Variants in SVEP1 observed in about 807,000 individuals in gnomAD.
SVEP1 encodes sushi, von Willebrand factor type A, EGF and pentraxin domain-containing protein 1.
SVEP1 carries 164 observed loss-of-function variants against 367.3 expected under a neutral mutation model. The ratio of observed to expected loss-of-function variants is 0.45; its 90% confidence interval spans 0.39 to 0.51. The LOEUF is 0.51. Among genes scored for constraint, SVEP1 ranks in the 20% least tolerant of loss-of-function variants. The pLI, the probability that SVEP1 is intolerant of heterozygous loss-of-function variation, is 0.00. For missense variants in SVEP1, 4,117 were observed against 4,425.3 expected (o/e 0.93, Z 1.98); for synonymous variants, 1,666 against 1,611.6 (o/e 1.03, Z -0.81).
chr9:110,547,739 AC>A (rs1830238016), intron 2 of SVEP1, among the ~76,000 whole-genome samples: 1 of 152,178 alleles, frequency 6.6e-6, no homozygotes, highest in African/African-American at 2.4e-5. Flanking sequence ...CAGCAGTGAA[AC>A]CCAAAGTGGA....
Position 110,431,940 on chromosome 9 carries a change from G to A in SVEP1, c.5328C>T (p.Tyr1776=), listed in dbSNP as rs750593196. 1.7e-5 allele frequency: 28 copies of A among 1,613,634 alleles called. No homozygotes were observed. The highest frequency in any genetic ancestry group is 2.3e-5 in the Non-Finnish European group (27 of 1,179,678). Reference sequence around the variant, plus strand: ...CTGCACAGTTTTTCCCATCTCCTGTGTACGGTGGGACACATGAACATATGT... The same window carrying A: ...CTGCACAGTTTTTCCCATCTCCTGTATACGGTGGGACACATGAACATATGT... ...GSYICSCVPP[Y]TGDGKNCAEP... The change falls in exon 32 of 48, where the codon TAC becomes TAT. Residue 1776 remains tyrosine (Y), a synonymous_variant. Transcript: ENST00000374469.
In SVEP1 at chr9:110,375,373, T is replaced by A. The variant is rs201857903; in HGVS notation, c.10595A>T (p.His3532Leu). The A allele has an allele frequency of 6.5e-7, 1 of 1,542,148 alleles. No individual in the cohort carries two copies. The highest frequency in any genetic ancestry group is 1.4e-5 in the African/African-American group (1 of 70,670). ...CPPGWTGSRCHTAVCQSPCLN... is the reference protein window; with the variant it reads ...CPPGWTGSRCLTAVCQSPCLN... Reference sequence around the variant, plus strand: ...AAACCATGAAAGAGGCCTACCTGTATGACAGCGAGACCCCGTCCAGCCAGG... The same window carrying A: ...AAACCATGAAAGAGGCCTACCTGTAAGACAGCGAGACCCCGTCCAGCCAGG... Residue 3532 changes from histidine (H) to leucine (L), a missense_variant, in exon 46 of 48, where the codon CAT becomes CTT. Coordinates refer to ENST00000374469, the MANE Select transcript of SVEP1 (RefSeq NM_153366.4).
chr9:110,578,434 A>T (rs2118897624), intron 1 of SVEP1, among the ~76,000 whole-genome samples: 1 of 151,876 alleles, frequency 6.6e-6, no homozygotes, highest in East Asian at 1.9e-4. Flanking sequence ...ATTATGTGTT[A>T]GATATTTCTA....
chr9:110,414,994 G>C lies in SVEP1; in HGVS notation c.5976-3259C>G, dbSNP rs569777897. On this transcript the variant is annotated intron_variant, in intron 36 of 47. Coordinates refer to ENST00000374469, the MANE Select transcript of SVEP1 (RefSeq NM_153366.4). The stretch of plus-strand genomic sequence containing the variant: ...TCTTCCCTCTGCGTTTCTCACCAAG[G>C]AGTATAAACATGAGCATGAAAAGGA... Among the ~76,000 whole-genome samples, 4 of 152,052 alleles carry C rather than the reference G, an allele frequency of 2.6e-5. No homozygotes were observed. In the South Asian group the frequency reaches 8.3e-4, roughly 32 times the overall value.
rs1256037817 is a variant in SVEP1 at position 110,550,107 on chromosome 9, G to T, written c.532-3C>A. Reference sequence around the variant, plus strand: ...TCTCTAGCATGAAGAAGAATTTGCTGTAATGAAATGGGGAAAGTTAATATG... The same window carrying T: ...TCTCTAGCATGAAGAAGAATTTGCTTTAATGAAATGGGGAAAGTTAATATG... On this transcript the variant is annotated splice_region_variant and splice_polypyrimidine_tract_variant and intron_variant, in intron 1 of 47. Transcript: ENST00000374469. The T allele has an allele frequency of 6.2e-7, 1 of 1,613,500 alleles. No homozygotes were observed. Among genetic ancestry groups the T allele is most frequent in the Non-Finnish European group, 8.5e-7 (1 of 1,179,532 alleles).
chr9:110,512,755 T>C (rs1323859699), intron 5 of SVEP1, 171 bp downstream of exon 5: 2 of 777,788 alleles, frequency 2.6e-6, no homozygotes, highest in East Asian at 2.7e-5. Context: ...AATTATGTGG[T>C]CAATTGAACT....
chr9:110,570,970 CTTTTTTTTTTTT>C (rs374900472), intron 1 of SVEP1, among the ~76,000 whole-genome samples: 190 of 114,916 alleles, frequency 1.7e-3, no homozygotes, highest in Middle Eastern at 5.1e-3. Flanking sequence ...CAGATGGCTC[CTTTTTTTTTTTT>C]TTTTTTTTTT....
intron 18 of SVEP1, among the ~76,000 whole-genome samples, chr9:110,460,336 T>C (rs1360193435): frequency 7.8e-6 from 1 of 127,712 alleles, no homozygotes; most frequent in Non-Finnish European, 1.7e-5. Context: ...TAAAAATAAA[T>C]ACTTCATTAA....
At chr9:110,569,814 C>T (rs1055453933) in intron 1 of SVEP1, among the ~76,000 whole-genome samples, 1 of 152,200 alleles carries the variant, frequency 6.6e-6, no homozygotes, top group Admixed American at 6.5e-5. Context: ...TTTAGTACAT[C>T]TATGAAATAA....
chr9:110,479,865 G>A, intron 12 of SVEP1, 109 bp from the exon 13 acceptor site: 1 of 1,451,492 alleles, frequency 6.9e-7, no homozygotes, highest in East Asian at 2.3e-5. Flanking sequence ...ATAATTTGTG[G>A]GATTGTTATA....
intron 43 of SVEP1, among the ~76,000 whole-genome samples, chr9:110,383,557 T>TA (rs1554710148): frequency 1.3e-5 from 2 of 151,252 alleles, no homozygotes; most frequent in Non-Finnish European, 3.0e-5. Flanking sequence ...ACCCCTGTTG[T>TA]GGGGGGGTCT....
intron 43 of SVEP1, among the ~76,000 whole-genome samples, chr9:110,379,821 G>A (rs1440112301): frequency 6.6e-6 from 1 of 152,172 alleles, no homozygotes; most frequent in Non-Finnish European, 1.5e-5. Context: ...ATAAATGGCT[G>A]CAAGAGACTT....
At position 110,408,622 on chromosome 9, in the gene SVEP1, C is replaced by A. The variant is rs543043187; in HGVS notation, c.6978G>T (p.Pro2326=). ...PKCMPAKCPE[P]PLLENQLVLK... ...ATACTAGCTGGTTTTCCAAGAGGGG[C>A]GGCTCTGGGCACTTGGCAGGCATGC... Residue 2326 remains proline (P), a synonymous_variant, in exon 38 of 48, where the codon CCG becomes CCT. Coordinates refer to ENST00000374469, the MANE Select transcript of SVEP1 (RefSeq NM_153366.4). The A allele has an allele frequency of 1.9e-6, 3 of 1,613,856 alleles. No homozygotes were observed. The highest frequency in any genetic ancestry group is 1.1e-5 in the South Asian group (1 of 91,056).
chr9:110,558,642 G>A (rs910279361), intron 1 of SVEP1, among the ~76,000 whole-genome samples: 3 of 151,912 alleles, frequency 2.0e-5, no homozygotes, highest in Non-Finnish European at 4.4e-5. Flanking sequence ...AAAGAGAGAT[G>A]TGTAAGAGAG....
chr9:110,437,243 C>T (rs1012531968), intron 27 of SVEP1, among the ~76,000 whole-genome samples: 1 of 152,306 alleles, frequency 6.6e-6, no homozygotes, highest in East Asian at 1.9e-4. Flanking sequence ...TGCCAGGCAA[C>T]CAACTAGGAG....
intron 3 of SVEP1, among the ~76,000 whole-genome samples, chr9:110,537,233 AC>A (rs1216672083): frequency 2.6e-5 from 4 of 151,990 alleles, no homozygotes; most frequent in African/African-American, 9.6e-5. Context: ...GGTTTTCAGC[AC>A]TAAAATCCAT....
chr9:110,466,213 G>A (rs1380876054), intron 17 of SVEP1, among the ~76,000 whole-genome samples, 187 bp from the exon 18 acceptor site: 1 of 152,204 alleles, frequency 6.6e-6, no homozygotes, highest in African/African-American at 2.4e-5. Context: ...TCTATACTAA[G>A]TTTTAGACTG....
intron 24 of SVEP1, 61 bp from the exon 25 acceptor site, chr9:110,447,118 T>C (rs1828613745): frequency 3.1e-6 from 4 of 1,305,002 alleles, no homozygotes; most frequent in Non-Finnish European, 2.9e-6. Context: ...CCATTTATGA[T>C]AATCTTATCT....
rs1213568723 is a variant in SVEP1 at position 110,366,246 on chromosome 9, AC to A, written c.*292del. ...AACTGAATAAAAATGTGTACCAGGA[AC>A]TTTCCCAATAGACAGCAGAATATGT... On this transcript the variant is annotated 3_prime_UTR_variant, in exon 48 of 48. Coordinates refer to ENST00000374469, the MANE Select transcript of SVEP1 (RefSeq NM_153366.4). The A allele has an allele frequency of 3.1e-6, 1 of 320,138 alleles. No individual in the cohort carries two copies. The highest frequency in any genetic ancestry group is 2.1e-5 in the African/African-American group (1 of 46,906). The allele number at this position is 320,138 out of a possible 1,614,324, so 19.8% of individuals were successfully genotyped here.
Sources: gnomAD v4.1 joint callset for allele counts (sites outside exome capture counted in the v4.1 genomes callset) on GRCh38, gnomAD v4.1.1 for gene constraint, MANE v1.5 for transcripts, NCBI Gene and HGNC (gene_info 2026-07-23, HGNC 2026-07-21) for gene names.